PCDHAC2: variants seen among roughly 807,000 people sequenced by gnomAD.
The protein encoded by PCDHAC2 is protocadherin alpha-C2.
Under a neutral mutation model 63.3 loss-of-function variants are expected in PCDHAC2, and 24 were observed. That is an observed-to-expected ratio of 0.38 (90% CI 0.27 to 0.53). PCDHAC2 has a LOEUF of 0.53. Ranked by LOEUF, PCDHAC2 falls within the 20% of genes least tolerant of loss-of-function variation. PCDHAC2 has a pLI of 0.81. For synonymous variants in PCDHAC2, 569 were observed against 529.4 expected, an observed-to-expected ratio of 1.07 and a Z score of -1.03; for missense variants, 1,181 against 1,275.2, an observed-to-expected ratio of 0.93 and a Z score of 1.12.
intron 3 of PCDHAC2, 128 bp downstream of exon 3, chr5:140,982,691 C>T: frequency 7.1e-7 from 1 of 1,408,152 alleles, no homozygotes; most frequent in Non-Finnish European, 9.3e-7. Context: ...TTTTTCCATA[C>T]ATACATGATT....
chr5:140,973,586 C>A (rs1207651483), intron 1 of PCDHAC2, among the ~76,000 whole-genome samples: 1 of 152,176 alleles, frequency 6.6e-6, no homozygotes, highest in Non-Finnish European at 1.5e-5. Flanking sequence ...GACTGCTGAG[C>A]CAGATGGAAT....
At chr5:140,992,095 G>T (rs1554252652) in intron 3 of PCDHAC2, among the ~76,000 whole-genome samples, 1 of 151,540 alleles carries the variant, frequency 6.6e-6, no homozygotes, top group East Asian at 1.9e-4. Context: ...TAGAGAAAGA[G>T]AATTAAGGTG....
intron 1 of PCDHAC2, among the ~76,000 whole-genome samples, chr5:140,974,521 G>GT (rs1223492348): frequency 3.0e-4 from 45 of 152,208 alleles, no homozygotes; most frequent in African/African-American, 1.0e-3. Flanking sequence ...TTTTATTTTA[G>GT]TTTTTTTGAG....
At chr5:141,000,385 CTCTCTCTCTCTATA>C (rs1173975015) in intron 3 of PCDHAC2, among the ~76,000 whole-genome samples, 30 of 64,968 alleles carry the variant, frequency 4.6e-4, no homozygotes, top group African/African-American at 1.8e-3. Context: ...CTCTCTCTCT[CTCTCTCTCTCTATA>C]TATATATATA....
intron 3 of PCDHAC2, among the ~76,000 whole-genome samples, chr5:140,988,042 T>C (rs1365233473): frequency 1.3e-5 from 2 of 152,212 alleles, no homozygotes. Context: ...AGAATCTGTT[T>C]AGGAGCACTG....
At chr5:140,999,784 T>C (rs1176844844) in intron 3 of PCDHAC2, among the ~76,000 whole-genome samples, 1 of 152,202 alleles carries the variant, frequency 6.6e-6, no homozygotes, top group African/African-American at 2.4e-5. Context: ...AACCTAGAAA[T>C]GGCAGAGTTA....
intron 3 of PCDHAC2, among the ~76,000 whole-genome samples, chr5:140,982,826 T>C (rs193172264): frequency 1.1e-3 from 157 of 141,010 alleles, no homozygotes; most frequent in African/African-American, 3.0e-3. Context: ...GTTTTTGGGG[T>C]TTGTTTGTTT....
intron 3 of PCDHAC2, among the ~76,000 whole-genome samples, chr5:140,997,872 C>G (rs1053678533): frequency 6.6e-6 from 1 of 152,094 alleles, no homozygotes; most frequent in African/African-American, 2.4e-5. Context: ...TGCATGCTTG[C>G]TAGTATTTAT....
chr5:140,966,978 G>T lies in PCDHAC2; in HGVS notation c.212G>T (p.Arg71Leu), dbSNP rs782662616. The stretch of plus-strand genomic sequence containing the variant: ...CGCGCGCTGGGGCTTGAGCTGCGGC[G>T]CTTGGGGCCGGGTTGCTTGCGCATC... ...VARALGLELRRLGPGCLRINH... is the reference protein window; with the variant it reads ...VARALGLELRLLGPGCLRINH... Residue 71 changes from arginine (R) to leucine (L), a missense_variant, in exon 1 of 4, where the codon CGC becomes CTC. By Grantham distance (102) the Arg-to-Leu change is moderately radical. Around this residue, in one of 3 missense-constraint regions of PCDHAC2, gnomAD observed 210 missense variants for 184.9 expected, o/e 1.14. Transcript: ENST00000289269. 3.1e-6 allele frequency: 5 copies of T among 1,603,218 alleles called. No homozygotes were observed. In the African/African-American group the frequency reaches 5.3e-5, roughly 17 times the overall value.
chr5:140,983,022 A>G (rs2097023004), intron 3 of PCDHAC2, among the ~76,000 whole-genome samples: 1 of 152,114 alleles, frequency 6.6e-6, no homozygotes, highest in Non-Finnish European at 1.5e-5. Flanking sequence ...GGAAGGAAGG[A>G]AGATGGTTTC....
In PCDHAC2 at chr5:141,010,039, T is replaced by G. The variant is rs2098415843; in HGVS notation, c.*102T>G. ...TCCTTTTTCCTATCTACATGAGCCCTCTTAGAGACCTCAGAAATCTGCAGA... is the reference window on the plus strand; with the variant it reads ...TCCTTTTTCCTATCTACATGAGCCCGCTTAGAGACCTCAGAAATCTGCAGA... On this transcript the variant is annotated 3_prime_UTR_variant, in exon 4 of 4. Coordinates refer to ENST00000289269, the MANE Select transcript of PCDHAC2 (RefSeq NM_018899.6). The G allele has an allele frequency of 1.4e-5, 23 of 1,593,158 alleles. No homozygotes were observed. Among genetic ancestry groups the G allele is most frequent in the Non-Finnish European group, 1.8e-5 (21 of 1,170,616 alleles).
intron 1 of PCDHAC2, among the ~76,000 whole-genome samples, chr5:140,971,942 C>A (rs2153791969): frequency 6.6e-6 from 1 of 152,140 alleles, no homozygotes; most frequent in Middle Eastern, 3.4e-3. Flanking sequence ...AAGTTGTATC[C>A]ATCTGACTCC....
chr5:140,976,679 G>A (rs1314378983), intron 1 of PCDHAC2, among the ~76,000 whole-genome samples: 2 of 152,086 alleles, frequency 1.3e-5, no homozygotes, highest in African/African-American at 4.8e-5. Flanking sequence ...TCTCATTTTT[G>A]CAATTTAAGT....
chr5:141,004,402 A>T (rs2098165262), intron 3 of PCDHAC2, among the ~76,000 whole-genome samples: 1 of 152,188 alleles, frequency 6.6e-6, no homozygotes, highest in African/African-American at 2.4e-5. Context: ...TGGAGGAGGC[A>T]CCTGACTAGA....
chr5:140,971,857 T>G (rs1312639660), intron 1 of PCDHAC2, among the ~76,000 whole-genome samples: 12 of 152,198 alleles, frequency 7.9e-5, no homozygotes, highest in African/African-American at 2.9e-4. Flanking sequence ...TAAATATTTG[T>G]TAACATCTAG....
In PCDHAC2 at chr5:140,967,790, C is replaced by T; in HGVS notation, c.1024C>T (p.Pro342Ser). The change falls in exon 1 of 4, where the codon CCA (proline) becomes TCA (serine). Residue 342 changes from proline to serine, a missense_variant. Coordinates refer to ENST00000289269, the MANE Select transcript of PCDHAC2 (RefSeq NM_018899.6). ...QIYVQATDRGPVPMAGHCKVL... is the reference protein window; with the variant it reads ...QIYVQATDRGSVPMAGHCKVL... ...CTATGTGCAGGCGACTGACCGGGGT[C>T]CAGTGCCCATGGCAGGTCACTGCAA... 6.2e-7 allele frequency: 1 copy of T among 1,614,188 alleles called. No individual in the cohort carries two copies. Among genetic ancestry groups the T allele is most frequent in the Non-Finnish European group, 8.5e-7 (1 of 1,180,042 alleles).
At chr5:140,995,410 T>C (rs555899259) in intron 3 of PCDHAC2, among the ~76,000 whole-genome samples, 1 of 152,310 alleles carries the variant, frequency 6.6e-6, no homozygotes, top group Non-Finnish European at 1.5e-5. Flanking sequence ...CGAGATTTCA[T>C]CACATTACTC....
At chr5:140,984,281 C>G (rs574169465) in intron 3 of PCDHAC2, among the ~76,000 whole-genome samples, 32 of 152,336 alleles carry the variant, frequency 2.1e-4, no homozygotes, top group African/African-American at 7.5e-4. Context: ...AATACATTCT[C>G]CCTCCCATTG....
At chr5:140,993,460 T>A (rs1416332490) in intron 3 of PCDHAC2, among the ~76,000 whole-genome samples, 1 of 104,506 alleles carries the variant, frequency 9.6e-6, no homozygotes, top group Non-Finnish European at 1.9e-5. Context: ...CTTCTTTCTT[T>A]CTCACACACA....
Sources: allele counts gnomAD v4.1 joint callset (sites outside exome capture counted in the v4.1 genomes callset), GRCh38; gene constraint gnomAD v4.1.1; regional missense constraint gnomAD v4.1.1; transcripts MANE v1.5; gene names NCBI Gene and HGNC (gene_info 2026-07-23, HGNC 2026-07-21).